Variants in NAALADL2 observed in about 807,000 individuals in gnomAD.
NAALADL2 encodes the protein inactive N-acetylated-alpha-linked acidic dipeptidase-like protein 2.
Under a neutral mutation model 87.2 loss-of-function variants are expected in NAALADL2, and 76 were observed. That is an observed-to-expected ratio of 0.87 (90% CI 0.72 to 1.05). The LOEUF is 1.05. Among genes scored for constraint, NAALADL2 ranks in the 50% least tolerant of loss-of-function variants. The pLI is 0.00. For missense variants in NAALADL2, 1,089 were observed against 945.8 expected (o/e 1.15, Z -1.99); for synonymous variants, 354 against 331.0 (o/e 1.07, Z -0.75).
intron 2 of NAALADL2, among the ~76,000 whole-genome samples, chr3:175,207,836 G>A (rs753455750): frequency 6.6e-6 from 1 of 152,136 alleles, no homozygotes; most frequent in Non-Finnish European, 1.5e-5. Flanking sequence ...GAGCAGTGAT[G>A]TCTTCTCTTT....
intron 3 of NAALADL2, among the ~76,000 whole-genome samples, chr3:174,796,596 T>C (rs12634502): frequency 0.27 from 40,667 of 151,602 alleles, 5,693 homozygotes; most frequent in East Asian, 0.44. Flanking sequence ...ATTGTATATG[T>C]ATATCACATT....
chr3:174,609,062 C>A (rs2108633238), intron 2 of NAALADL2, among the ~76,000 whole-genome samples: 1 of 151,874 alleles, frequency 6.6e-6, no homozygotes, highest in Non-Finnish European at 1.5e-5. Context: ...AAGACAAAAA[C>A]CACATGATTT....
At chr3:175,788,898 T>A (rs1221069959) in intron 13 of NAALADL2, among the ~76,000 whole-genome samples, 3 of 152,230 alleles carry the variant, frequency 2.0e-5, no homozygotes, top group African/African-American at 7.2e-5. Context: ...CATATCATGG[T>A]ATTTTTACAA....
intron 1 of NAALADL2, among the ~76,000 whole-genome samples, chr3:174,500,646 A>G (rs183216332): frequency 6.6e-6 from 1 of 152,220 alleles, no homozygotes; most frequent in African/African-American, 2.4e-5. Context: ...CTATCCTTCT[A>G]TTCCTAGTAG....
chr3:175,727,052 A>G (rs1229254719), intron 11 of NAALADL2, among the ~76,000 whole-genome samples: 1 of 152,170 alleles, frequency 6.6e-6, no homozygotes, highest in East Asian at 1.9e-4. Flanking sequence ...CAGTGGAGAC[A>G]TGCCTTGTTT....
chr3:175,324,636 C>G (rs1760455150), intron 5 of NAALADL2, among the ~76,000 whole-genome samples: 1 of 152,068 alleles, frequency 6.6e-6, no homozygotes, highest in African/African-American at 2.4e-5. Flanking sequence ...GACAGGTACT[C>G]CAGGTAAGCC....
chr3:174,653,731 A>G (rs1361158453), intron 2 of NAALADL2, among the ~76,000 whole-genome samples: 1 of 152,174 alleles, frequency 6.6e-6, no homozygotes, highest in Non-Finnish European at 1.5e-5. Context: ...AAACTTGACA[A>G]GTATTTGTGA....
At chr3:174,723,248 A>G (rs952730368) in intron 2 of NAALADL2, among the ~76,000 whole-genome samples, 1 of 152,114 alleles carries the variant, frequency 6.6e-6, no homozygotes, top group Non-Finnish European at 1.5e-5. Flanking sequence ...CTAAAGGTGA[A>G]TTAAGTTAAT....
chr3:175,164,671 GA>G (rs1733732556), intron 2 of NAALADL2, among the ~76,000 whole-genome samples: 1 of 152,134 alleles, frequency 6.6e-6, no homozygotes, highest in Non-Finnish European at 1.5e-5. Flanking sequence ...ACATGATGTG[GA>G]AGTTAAGTTC....
intron 2 of NAALADL2, among the ~76,000 whole-genome samples, chr3:174,655,727 G>A (rs1424095376): frequency 6.6e-6 from 1 of 152,078 alleles, no homozygotes; most frequent in Non-Finnish European, 1.5e-5. Context: ...ATAATTTAAA[G>A]TGACTTTCTT....
At chr3:175,548,688 G>C (rs1713813959) in intron 9 of NAALADL2, among the ~76,000 whole-genome samples, 1 of 152,014 alleles carries the variant, frequency 6.6e-6, no homozygotes, top group African/African-American at 2.4e-5. Context: ...ATGAAAGACA[G>C]TGCACAGTGC....
intron 2 of NAALADL2, among the ~76,000 whole-genome samples, chr3:174,675,258 G>A (rs1335902675): frequency 6.6e-6 from 1 of 151,956 alleles, no homozygotes; most frequent in African/African-American, 2.4e-5. Context: ...TCCTAGTTTT[G>A]AAATGTGACT....
chr3:175,579,303 G>A (rs1719393263), intron 10 of NAALADL2, among the ~76,000 whole-genome samples: 1 of 151,886 alleles, frequency 6.6e-6, no homozygotes, highest in African/African-American at 2.4e-5. Context: ...GTGAAAAATT[G>A]AACTGTAGGA....
At chr3:174,566,647 T>A (rs1714304535) in intron 2 of NAALADL2, among the ~76,000 whole-genome samples, 1 of 151,808 alleles carries the variant, frequency 6.6e-6, no homozygotes, top group Non-Finnish European at 1.5e-5. Context: ...ATTTTTTCCC[T>A]TATTTTTCTA....
chr3:175,796,080 GGAGA>G (rs1361588279), intron 13 of NAALADL2, among the ~76,000 whole-genome samples: 1 of 145,706 alleles, frequency 6.9e-6, no homozygotes, highest in Non-Finnish European at 1.5e-5. Context: ...GGAGGGAGAA[GGAGA>G]GAGAGTGGGG....
chr3:174,489,081 A>G (rs1718029394), intron 1 of NAALADL2, among the ~76,000 whole-genome samples: 1 of 151,966 alleles, frequency 6.6e-6, no homozygotes, highest in Non-Finnish European at 1.5e-5. Context: ...CCATTTCTCT[A>G]CCTCATTGCT....
intron 1 of NAALADL2, among the ~76,000 whole-genome samples, chr3:174,497,578 C>G (rs1718625505): frequency 6.6e-6 from 1 of 152,122 alleles, no homozygotes; most frequent in Non-Finnish European, 1.5e-5. Flanking sequence ...GAAAACACTT[C>G]TACGTTTATC....
intron 1 of NAALADL2, among the ~76,000 whole-genome samples, chr3:174,508,114 G>GTTTTTTCTTTTTTGT (rs1553775287): frequency 9.6e-6 from 1 of 103,884 alleles, no homozygotes; most frequent in Non-Finnish European, 1.9e-5. Flanking sequence ...ATATCTAGTG[G>GTTTTTTCTTTTTTGT]TTTTTTTTTT....
chr3:175,612,234 G>T (rs1724743479), intron 10 of NAALADL2, among the ~76,000 whole-genome samples: 2 of 152,268 alleles, frequency 1.3e-5, no homozygotes, highest in East Asian at 1.9e-4. Flanking sequence ...AAGAGGGAAG[G>T]ACAGTTGGGA....
Sources: gnomAD v4.1 joint callset for allele counts (sites outside exome capture counted in the v4.1 genomes callset) on GRCh38, gnomAD v4.1.1 for gene constraint, MANE v1.5 for transcripts, NCBI Gene and HGNC (gene_info 2026-07-23, HGNC 2026-07-21) for gene names.